The following CADM2 variants were observed in gnomAD, a reference collection of about 807,000 sequenced individuals.
CADM2 encodes the protein immunoglobulin superfamily member 4D.
A neutral mutation model predicts 49.8 loss-of-function variants in CADM2; 12 were observed. That is an observed-to-expected ratio of 0.24 (90% confidence interval 0.15 to 0.39). The LOEUF is 0.39. CADM2 is among the 10% of genes least tolerant of loss of function. The probability of loss-of-function intolerance (pLI) is 1.00; values close to 1 mark genes in which losing one functional copy is unlikely to be tolerated. For synonymous variants in CADM2, 214 were observed against 175.4 expected (o/e 1.22, Z -1.74); for missense variants, 378 against 492.3 (o/e 0.77, Z 2.20).
chr3:84,960,021 A>C (rs1575921031), intron 1 of CADM2: 2 of 358,010 alleles, frequency 5.6e-6, no homozygotes, highest in Non-Finnish European at 5.1e-6. Context: ...GACAACCCCC[A>C]CCAGCCACCT....
intron 1 of CADM2, among the ~76,000 whole-genome samples, chr3:85,618,735 A>C (rs971304826): frequency 6.6e-6 from 1 of 152,066 alleles, no homozygotes; most frequent in Non-Finnish European, 1.5e-5. Flanking sequence ...TTGTATGTAT[A>C]ATTTATTTTT....
intron 1 of CADM2, among the ~76,000 whole-genome samples, chr3:85,535,969 T>G (rs576727338): frequency 6.6e-6 from 1 of 152,230 alleles, no homozygotes; most frequent in East Asian, 1.9e-4. Flanking sequence ...CAGGATGGTT[T>G]ATTAAAGAGA....
At chr3:85,129,650 A>C (rs2039160035) in intron 1 of CADM2, among the ~76,000 whole-genome samples, 1 of 152,178 alleles carries the variant, frequency 6.6e-6, no homozygotes, top group Non-Finnish European at 1.5e-5. Flanking sequence ...GAAAAAATGA[A>C]TGCTGGTGCT....
chr3:85,853,174 A>G (rs1249863790), intron 3 of CADM2, among the ~76,000 whole-genome samples: 1 of 152,004 alleles, frequency 6.6e-6, no homozygotes, highest in Non-Finnish European at 1.5e-5. Context: ...TAGAAGTTCT[A>G]GATGACTGAG....
At chr3:85,945,207 A>G (rs1343983876) in intron 7 of CADM2, among the ~76,000 whole-genome samples, 1 of 152,016 alleles carries the variant, frequency 6.6e-6, no homozygotes, top group African/African-American at 2.4e-5. Context: ...CGACACATAC[A>G]CCCTCCCAAG....
intron 1 of CADM2, among the ~76,000 whole-genome samples, chr3:85,344,456 A>C (rs376360880): frequency 6.7e-4 from 101 of 151,760 alleles, no homozygotes; most frequent in African/African-American, 2.4e-3. Flanking sequence ...ACCAAAGCAG[A>C]GAGCATTATT....
intron 2 of CADM2, among the ~76,000 whole-genome samples, chr3:85,792,281 A>G (rs570959388): frequency 2.0e-5 from 3 of 152,244 alleles, no homozygotes; most frequent in Non-Finnish European, 4.4e-5. Context: ...GGACAAATAT[A>G]TGCCAAAATG....
At chr3:84,960,604 A>C (rs1368584012) in intron 1 of CADM2, among the ~76,000 whole-genome samples, 1 of 152,062 alleles carries the variant, frequency 6.6e-6, no homozygotes, top group Non-Finnish European at 1.5e-5. Context: ...AATTAATATT[A>C]TCCTTTCACG....
chr3:85,750,811 G>A (rs1400080340), intron 2 of CADM2, among the ~76,000 whole-genome samples: 3 of 151,776 alleles, frequency 2.0e-5, no homozygotes, highest in Non-Finnish European at 4.4e-5. Context: ...CTATCAGTGT[G>A]CATACTCAGG....
At chr3:86,059,570 A>G (rs1738373949) in intron 8 of CADM2, among the ~76,000 whole-genome samples, 1 of 152,210 alleles carries the variant, frequency 6.6e-6, no homozygotes, top group African/African-American at 2.4e-5. Context: ...GCTAATGCCA[A>G]CAAATCATGG....
At chr3:85,916,927 G>C (rs1577656310) in intron 6 of CADM2, among the ~76,000 whole-genome samples, 2 of 152,160 alleles carry the variant, frequency 1.3e-5, no homozygotes, top group East Asian at 3.9e-4. Flanking sequence ...GGCCAGTGAT[G>C]ATGAGCATTT....
intron 1 of CADM2, among the ~76,000 whole-genome samples, chr3:85,457,654 A>C (rs1416874687): frequency 2.6e-5 from 4 of 152,186 alleles, no homozygotes; most frequent in African/African-American, 9.6e-5. Flanking sequence ...TTTAGGACAT[A>C]GATGAATAAT....
chr3:85,582,701 A>G (rs1559925324), intron 1 of CADM2, among the ~76,000 whole-genome samples: 1 of 152,126 alleles, frequency 6.6e-6, no homozygotes, highest in Non-Finnish European at 1.5e-5. Flanking sequence ...CCATGTCCAA[A>G]TACCATCACA....
chr3:85,959,383 A>G (rs1274688292), intron 7 of CADM2, among the ~76,000 whole-genome samples: 1 of 151,874 alleles, frequency 6.6e-6, no homozygotes, highest in Non-Finnish European at 1.5e-5. Context: ...ATCAGTGACC[A>G]TTGATGATCA....
chr3:85,956,124 C>T (rs561673086), intron 7 of CADM2, among the ~76,000 whole-genome samples: 8 of 151,682 alleles, frequency 5.3e-5, no homozygotes, highest in African/African-American at 1.9e-4. Flanking sequence ...AGTGGCGTAA[C>T]GTTATCGTCT....
At chr3:85,109,334 A>G (rs1240105591) in intron 1 of CADM2, among the ~76,000 whole-genome samples, 1 of 151,972 alleles carries the variant, frequency 6.6e-6, no homozygotes, top group Non-Finnish European at 1.5e-5. Flanking sequence ...GATAGCATTA[A>G]TATGCATAAA....
rs190124381 is a variant in CADM2 at position 84,975,603 on chromosome 3, T to C, written c.61+15935T>C. On this transcript the variant is annotated intron_variant, in intron 1 of 9. Coordinates refer to ENST00000383699, the MANE Select transcript of CADM2 (RefSeq NM_001167675.2). ...ATTTTGAGTGGGGAAAGGTAATTTATATCCTTTATTTCTCACATAATAAAT... is the reference window on the plus strand; with the variant it reads ...ATTTTGAGTGGGGAAAGGTAATTTACATCCTTTATTTCTCACATAATAAAT... Among the ~76,000 whole-genome samples the C allele has an allele frequency of 2.5e-3, 375 of 151,966 alleles. 4 individuals are homozygous for C. Among genetic ancestry groups the C allele is most frequent in the African/African-American group, 8.4e-3 (350 of 41,534 alleles).
intron 1 of CADM2, among the ~76,000 whole-genome samples, chr3:85,147,588 A>G (rs2039789399): frequency 6.6e-6 from 1 of 152,124 alleles, no homozygotes; most frequent in Non-Finnish European, 1.5e-5. Flanking sequence ...CTTTATGCTG[A>G]CAATTTTCTT....
At chr3:85,753,145 C>A (rs2068942577) in intron 2 of CADM2, among the ~76,000 whole-genome samples, 1 of 152,110 alleles carries the variant, frequency 6.6e-6, no homozygotes, top group Non-Finnish European at 1.5e-5. Flanking sequence ...ATATTGGGAG[C>A]TGTGCTGTAG....
Sources: gnomAD v4.1 joint callset for allele counts (sites outside exome capture counted in the v4.1 genomes callset) on GRCh38, gnomAD v4.1.1 for gene constraint, MANE v1.5 for transcripts, NCBI Gene and HGNC (gene_info 2026-07-23, HGNC 2026-07-21) for gene names.